Variants in ITIH5 observed in about 807,000 individuals in gnomAD.
ITIH5 encodes inter-alpha-trypsin inhibitor heavy chain 5, also known as inter-alpha-trypsin inhibitor heavy chain H5.
A neutral mutation model predicts 77.5 loss-of-function variants in ITIH5; 65 were observed. The ratio of observed to expected loss-of-function variants is 0.84; its 90% confidence interval spans 0.69 to 1.03. The LOEUF is 1.03. ITIH5 is among the 50% of genes least tolerant of loss of function. The pLI, the probability that ITIH5 is intolerant of heterozygous loss-of-function variation, is 0.00. For synonymous variants in ITIH5, 525 were observed against 494.3 expected, an observed-to-expected ratio of 1.06 and a Z score of -0.82; for missense variants, 1,208 against 1,213.1, an observed-to-expected ratio of 1.00 and a Z score of 0.06.
At chr10:7,664,016 A>G (rs1834321040) in intron 1 of ITIH5, among the ~76,000 whole-genome samples, 1 of 152,242 alleles carries the variant, frequency 6.6e-6, no homozygotes, top group Non-Finnish European at 1.5e-5. Flanking sequence ...TTAAGCTAAC[A>G]AAACAGATAA....
Position 7,617,985 on chromosome 10 carries a change from T to C in ITIH5, c.653-703A>G, listed in dbSNP as rs202196162. 4 of 151,996 alleles carry C rather than the reference T, an allele frequency of 2.6e-5. No homozygotes were observed. In the East Asian group the frequency reaches 7.7e-4, roughly 29 times the overall value. The allele number at this position is 151,996 out of a possible 1,614,324, so 9.4% of individuals were successfully genotyped here. ...CCTATGGGATTTCTCTTTTTCTGTA[T>C]TCCTTTTTTTTTTTGAGACAGCGTC... On this transcript the variant is annotated intron_variant, in intron 5 of 13. Transcript: ENST00000397146.
chr10:7,591,174 C>T (rs974911241), intron 7 of ITIH5, among the ~76,000 whole-genome samples: 8 of 152,192 alleles, frequency 5.3e-5, no homozygotes, highest in Middle Eastern at 3.2e-3. Flanking sequence ...GGATTACAGG[C>T]GTGAGCCACT....
At chr10:7,580,947 T>A (rs1406534980) in intron 8 of ITIH5, among the ~76,000 whole-genome samples, 1 of 152,104 alleles carries the variant, frequency 6.6e-6, no homozygotes, top group Non-Finnish European at 1.5e-5. Flanking sequence ...GAGGCCCTTG[T>A]CAGCAACAGC....
At chr10:7,661,144 C>T (rs1299116065) in intron 1 of ITIH5, among the ~76,000 whole-genome samples, 1 of 152,172 alleles carries the variant, frequency 6.6e-6, no homozygotes, top group African/African-American at 2.4e-5. Flanking sequence ...TTAGGTGGAA[C>T]AATTTCATCC....
At chr10:7,566,904 A>G (rs1038358895) in intron 12 of ITIH5, among the ~76,000 whole-genome samples, 17 of 122,142 alleles carry the variant, frequency 1.4e-4, no homozygotes, top group Non-Finnish European at 2.5e-4. Context: ...AAGAAGAAGA[A>G]GAAGAAGAAG....
At chr10:7,565,768 A>G (rs1213747720) in intron 13 of ITIH5, among the ~76,000 whole-genome samples, 1 of 138,858 alleles carries the variant, frequency 7.2e-6, no homozygotes, top group Non-Finnish European at 1.5e-5. Context: ...GCATGTACAC[A>G]TATGCATACA....
chr10:7,563,488 C>G (rs550819053), intron 13 of ITIH5, 104 bp from the exon 14 acceptor site: 1 of 995,724 alleles, frequency 1.0e-6, no homozygotes, highest in Admixed American at 2.4e-5. Context: ...CAACTGGCCA[C>G]AGCCCGAGAC....
intron 7 of ITIH5, among the ~76,000 whole-genome samples, chr10:7,614,034 C>G (rs1833313067): frequency 6.6e-6 from 1 of 152,206 alleles, no homozygotes; most frequent in South Asian, 2.1e-4. Context: ...AACAGATTTT[C>G]AAATATTATG....
intron 7 of ITIH5, among the ~76,000 whole-genome samples, chr10:7,599,558 G>A (rs985575481): frequency 1.4e-4 from 22 of 152,066 alleles, no homozygotes; most frequent in Non-Finnish European, 2.9e-4. Flanking sequence ...TTTTGGTGTC[G>A]GACTCTCCAT....
intron 1 of ITIH5, among the ~76,000 whole-genome samples, chr10:7,663,763 G>C (rs1834316951): frequency 6.6e-6 from 1 of 152,100 alleles, no homozygotes; most frequent in Non-Finnish European, 1.5e-5. Context: ...ACTTGCCCAG[G>C]TACACACAGG....
At chr10:7,629,769 G>C (rs925999834) in intron 5 of ITIH5, among the ~76,000 whole-genome samples, 2 of 152,146 alleles carry the variant, frequency 1.3e-5, no homozygotes, top group African/African-American at 4.8e-5. Flanking sequence ...TGTGAATACT[G>C]CTACTGTAGA....
chr10:7,666,152 C>A (rs1377541175), intron 1 of ITIH5, among the ~76,000 whole-genome samples: 1 of 152,176 alleles, frequency 6.6e-6, no homozygotes, highest in Non-Finnish European at 1.5e-5. Context: ...TTTTTAAAGA[C>A]AAAAATGCTC....
chr10:7,563,481 C>T (rs1397492572), intron 13 of ITIH5, 97 bp from the exon 14 acceptor site: 2 of 1,116,106 alleles, frequency 1.8e-6, no homozygotes, highest in Middle Eastern at 2.0e-4. Context: ...AGGCTTACAA[C>T]TGGCCACAGC....
In ITIH5 at chr10:7,666,794, T is replaced by C. The variant is rs758600312; in HGVS notation, c.90+9A>G. 4 of 1,601,672 alleles carry C rather than the reference T, an allele frequency of 2.5e-6. No homozygotes were observed. Among genetic ancestry groups the C allele is most frequent in the Non-Finnish European group, 3.4e-6 (4 of 1,174,890 alleles). On this transcript the variant is annotated intron_variant, in intron 1 of 13. Transcript: ENST00000397146. ...CGCCCGGGACCCGGCTCCCCTCGGCTCCACTTACCTGCTCCGAAGAGTGGC... is the reference window on the plus strand; with the variant it reads ...CGCCCGGGACCCGGCTCCCCTCGGCCCCACTTACCTGCTCCGAAGAGTGGC...
chr10:7,576,721 G>A lies in ITIH5; in HGVS notation c.1710C>T (p.Thr570=), dbSNP rs749653050. 1.2e-6 allele frequency: 2 copies of A among 1,614,000 alleles called. No individual in the cohort carries two copies. The highest frequency in any genetic ancestry group is 1.1e-5 in the South Asian group (1 of 91,068). ...PRPGGDGEGD[T]NHIERLWSYL... is the part of the protein sequence containing the mutation. ...AGCTCCAGAGACGCTCGATGTGGTT[G>A]GTGTCCCCCTCTCCATCGCCTCCAG... Residue 570 remains threonine (T), a synonymous_variant, in exon 10 of 14, where the codon ACC becomes ACT. Coordinates refer to ENST00000397146, the MANE Select transcript of ITIH5 (RefSeq NM_030569.7).
At chr10:7,602,393 T>C (rs1032880069) in intron 7 of ITIH5, among the ~76,000 whole-genome samples, 1 of 152,198 alleles carries the variant, frequency 6.6e-6, no homozygotes. Context: ...TGAATTTTAA[T>C]CCCCATAATC....
chr10:7,660,416 T>C (rs1834258157), intron 1 of ITIH5, among the ~76,000 whole-genome samples: 1 of 152,080 alleles, frequency 6.6e-6, no homozygotes, highest in South Asian at 2.1e-4. Context: ...TTCATAGACC[T>C]GCACCTGCCT....
chr10:7,654,218 C>T (rs539589519), intron 2 of ITIH5, among the ~76,000 whole-genome samples: 7 of 152,308 alleles, frequency 4.6e-5, no homozygotes, highest in African/African-American at 1.7e-4. Flanking sequence ...TCAGAGGTCT[C>T]CCATATGCAA....
chr10:7,637,814 T>G (rs1374944554), intron 4 of ITIH5, among the ~76,000 whole-genome samples: 1 of 152,158 alleles, frequency 6.6e-6, no homozygotes, highest in Non-Finnish European at 1.5e-5. Flanking sequence ...AGTGAAGCTG[T>G]GAATTGTGCT....
Sources: allele counts gnomAD v4.1 joint callset (sites outside exome capture counted in the v4.1 genomes callset), GRCh38; gene constraint gnomAD v4.1.1; transcripts MANE v1.5; gene names NCBI Gene and HGNC (gene_info 2026-07-23, HGNC 2026-07-21).